Variants in VWC2L observed in about 807,000 individuals in gnomAD.
VWC2L encodes von Willebrand factor C domain-containing protein 2-like.
A neutral mutation model predicts 21.6 loss-of-function variants in VWC2L; 10 were observed. That is an observed-to-expected ratio of 0.46 (90% confidence interval 0.29 to 0.78). The LOEUF (loss-of-function observed/expected upper bound fraction) is 0.78, where lower values mean the gene tolerates loss of function less well. Among genes scored for constraint, VWC2L ranks in the 30% least tolerant of loss-of-function variants. VWC2L has a pLI of 0.10. For missense variants in VWC2L, 209 were observed against 277.1 expected, an observed-to-expected ratio of 0.75 and a Z score of 1.74; for synonymous variants, 96 against 94.3, an observed-to-expected ratio of 1.02 and a Z score of -0.10.
chr2:214,438,573 A>T (rs565120796), intron 3 of VWC2L, among the ~76,000 whole-genome samples: 1 of 152,200 alleles, frequency 6.6e-6, no homozygotes, highest in South Asian at 2.1e-4. Context: ...CATGTAAAGC[A>T]TACGTTTAAA....
chr2:214,420,976 C>A (rs1702429558), intron 2 of VWC2L, among the ~76,000 whole-genome samples: 1 of 152,214 alleles, frequency 6.6e-6, no homozygotes, highest in Non-Finnish European at 1.5e-5. Context: ...TCAGCCTCAG[C>A]ATGCAGAATG....
chr2:214,456,081 T>G (rs1159653683), intron 3 of VWC2L, among the ~76,000 whole-genome samples: 3 of 152,302 alleles, frequency 2.0e-5, no homozygotes, highest in East Asian at 1.9e-4. Context: ...GGTCATATAT[T>G]AGTACTGCTT....
At chr2:214,420,585 C>T (rs139452182) in intron 2 of VWC2L, among the ~76,000 whole-genome samples, 1 of 152,114 alleles carries the variant, frequency 6.6e-6, no homozygotes, top group African/African-American at 2.4e-5. Flanking sequence ...AGTATGAAGC[C>T]TGTATTTATT....
intron 3 of VWC2L, among the ~76,000 whole-genome samples, chr2:214,528,672 A>C (rs921092076): frequency 3.3e-5 from 5 of 152,114 alleles, no homozygotes; most frequent in African/African-American, 9.7e-5. Flanking sequence ...TACAGAGCAA[A>C]GCAGTCTGTC....
intron 1 of VWC2L, among the ~76,000 whole-genome samples, chr2:214,413,480 T>A (rs994645971): frequency 2.5e-4 from 38 of 152,276 alleles, no homozygotes; most frequent in Non-Finnish European, 4.1e-4. Flanking sequence ...TATGGAATAG[T>A]TATGTTGTTT....
At chr2:214,507,974 A>ATATTTATT (rs890890075) in intron 3 of VWC2L, among the ~76,000 whole-genome samples, 6 of 151,896 alleles carry the variant, frequency 4.0e-5, no homozygotes, top group Non-Finnish European at 7.4e-5. Flanking sequence ...TTGTGCACTT[A>ATATTTATT]TATTTATTTA....
rs182479281 is a variant in VWC2L at position 214,544,334 on chromosome 2, G to A, written c.521-31338G>A. Among the ~76,000 whole-genome samples, 39 of 152,282 alleles carry A rather than the reference G, an allele frequency of 2.6e-4. 2 individuals are homozygous for A. Among genetic ancestry groups the A allele is most frequent in the Middle Eastern group, 6.8e-3 (2 of 294 alleles). Reference sequence around the variant, plus strand: ...ATTTGTTTAGCTAGAACCAAGTACTGTGAGAAGATGTGACTTGTAAAGCCT... The same window carrying A: ...ATTTGTTTAGCTAGAACCAAGTACTATGAGAAGATGTGACTTGTAAAGCCT... On this transcript the variant is annotated intron_variant, in intron 3 of 3. Coordinates refer to ENST00000312504, the MANE Select transcript of VWC2L (RefSeq NM_001080500.4).
intron 3 of VWC2L, among the ~76,000 whole-genome samples, chr2:214,536,011 T>C (rs1272568995): frequency 6.6e-6 from 1 of 152,090 alleles, no homozygotes; most frequent in African/African-American, 2.4e-5. Context: ...ACATCTCTTT[T>C]TGGCACAGGG....
chr2:214,473,385 A>T (rs908238934), intron 3 of VWC2L, among the ~76,000 whole-genome samples: 1 of 152,174 alleles, frequency 6.6e-6, no homozygotes, highest in Non-Finnish European at 1.5e-5. Context: ...AGGCCTAAAT[A>T]GGTGTTTCTT....
At chr2:214,541,359 A>G (rs1689623846) in intron 3 of VWC2L, among the ~76,000 whole-genome samples, 1 of 152,090 alleles carries the variant, frequency 6.6e-6, no homozygotes, top group African/African-American at 2.4e-5. Flanking sequence ...AACACTAGAC[A>G]TATGTCCTTT....
At chr2:214,499,000 C>T (rs1301236939) in intron 3 of VWC2L, among the ~76,000 whole-genome samples, 3 of 137,528 alleles carry the variant, frequency 2.2e-5, no homozygotes, top group Admixed American at 1.5e-4. Context: ...AGGCTTATAT[C>T]GTACCATTCT....
chr2:214,517,272 T>C (rs4673850), intron 3 of VWC2L, among the ~76,000 whole-genome samples: 28,800 of 152,170 alleles, frequency 0.19, 2,842 homozygotes, highest in East Asian at 0.27. Flanking sequence ...GCATTACCAA[T>C]TCCAGTTGTC....
chr2:214,554,298 C>A (rs1689841123), intron 3 of VWC2L, among the ~76,000 whole-genome samples: 2 of 152,176 alleles, frequency 1.3e-5, no homozygotes, highest in South Asian at 4.1e-4. Flanking sequence ...CCTCAATTGA[C>A]TGAATGAACC....
chr2:214,415,644 C>A (rs1702343661), intron 2 of VWC2L, among the ~76,000 whole-genome samples: 3 of 152,044 alleles, frequency 2.0e-5, no homozygotes, highest in Admixed American at 2.0e-4. Flanking sequence ...CTCAACTGAT[C>A]ATCATTAGCA....
intron 3 of VWC2L, among the ~76,000 whole-genome samples, chr2:214,483,261 A>G (rs759473888): frequency 2.6e-5 from 4 of 152,148 alleles, no homozygotes; most frequent in Non-Finnish European, 4.4e-5. Flanking sequence ...TACCACTACA[A>G]TGTCCATGAT....
chr2:214,434,263 T>C (rs905732070), intron 2 of VWC2L, among the ~76,000 whole-genome samples: 1 of 152,208 alleles, frequency 6.6e-6, no homozygotes, highest in Non-Finnish European at 1.5e-5. Context: ...GATTATTATC[T>C]GTTAACACTT....
At chr2:214,501,478 T>C (rs1233463544) in intron 3 of VWC2L, among the ~76,000 whole-genome samples, 1 of 152,000 alleles carries the variant, frequency 6.6e-6, no homozygotes, top group East Asian at 1.9e-4. Flanking sequence ...ATCCCAGCAT[T>C]TTGGGAGTCC....
intron 1 of VWC2L, among the ~76,000 whole-genome samples, chr2:214,412,895 A>G (rs971554748): frequency 1.3e-5 from 2 of 152,096 alleles, no homozygotes; most frequent in Admixed American, 1.3e-4. Context: ...ATTGGCATGA[A>G]GCCAATAGCA....
intron 3 of VWC2L, among the ~76,000 whole-genome samples, chr2:214,547,464 C>T (rs1038002505): frequency 6.6e-6 from 1 of 152,210 alleles, no homozygotes; most frequent in African/African-American, 2.4e-5. Flanking sequence ...GATATGTAAA[C>T]ACTTTCTACC....
Sources: allele counts gnomAD v4.1 joint callset (sites outside exome capture counted in the v4.1 genomes callset), GRCh38; gene constraint gnomAD v4.1.1; transcripts MANE v1.5; gene names NCBI Gene and HGNC (gene_info 2026-07-23, HGNC 2026-07-21).